Variants in APOD observed in about 807,000 individuals in gnomAD.
The protein encoded by APOD is apolipoprotein D, also known as apo-D.
APOD carries 22 observed loss-of-function variants against 20.4 expected under a neutral mutation model. The ratio of observed to expected loss-of-function variants is 1.08; its 90% CI spans 0.77 to 1.54. APOD has a LOEUF of 1.54. Among genes scored for constraint, APOD ranks in the 40% most tolerant of loss-of-function variants. The pLI, the probability that APOD is intolerant of heterozygous loss-of-function variation, is 0.00. For missense variants in APOD, 223 were observed against 229.6 expected (o/e 0.97, Z 0.19); for synonymous variants, 97 against 92.4 (o/e 1.05, Z -0.29).
At chr3:195,574,091 G>T in intron 2 of APOD, 120 bp from the exon 3 acceptor site, 1 of 1,367,448 alleles carries the variant, frequency 7.3e-7, no homozygotes. Flanking sequence ...GGGCCTCATT[G>T]TTCCCAGTGG....
chr3:195,581,922 C>T (rs998821839), intron 1 of APOD, among the ~76,000 whole-genome samples: 1 of 152,106 alleles, frequency 6.6e-6, no homozygotes, highest in African/African-American at 2.4e-5. Context: ...AGCCTGTAAT[C>T]CCATGGGAGG....
At chr3:195,572,717 A>C (rs777514802) in intron 3 of APOD, among the ~76,000 whole-genome samples, 2 of 152,192 alleles carry the variant, frequency 1.3e-5, no homozygotes, top group African/African-American at 4.8e-5. Flanking sequence ...ATGTGTTAGA[A>C]AGTCAGTAGG....
At position 195,574,033 on chromosome 3, in the gene APOD, C is replaced by T. The variant is rs1720210954; in HGVS notation, c.124-62G>A. The T allele has an allele frequency of 3.8e-6, 6 of 1,593,902 alleles. No homozygotes were observed. The South Asian group carries it at 6.8e-5, about 18-fold the overall frequency. The stretch of plus-strand genomic sequence containing the variant: ...CTCTGGGGACCTGCAACTTCTTCCC[C>T]ATTGTCGTGCAGACGCAGAGCCCTG... On this transcript the variant is annotated intron_variant, in intron 2 of 4. Coordinates refer to ENST00000343267, the MANE Select transcript of APOD (RefSeq NM_001647.4).
intron 4 of APOD, chr3:195,570,983 G>T (rs1720148798): frequency 2.3e-6 from 1 of 441,380 alleles, no homozygotes; most frequent in Non-Finnish European, 4.2e-6. Context: ...CCCACACCCG[G>T]TGTGCACCTA....
At position 195,578,207 on chromosome 3, in the gene APOD, G is replaced by A. The variant is rs34235807; in HGVS notation, c.123+1132C>T. 4.6e-4 allele frequency among the ~76,000 whole-genome samples: 70 copies of A among 152,056 alleles called. 1 individual carries two copies. The highest frequency in any genetic ancestry group is 4.1e-3 in the Admixed American group (62 of 15,278). ...AAAGTATAACTCAGATTCCTTGGAT[G>A]TTTTCTTTAAAGCCTCTCTGTGGTC... On this transcript the variant is annotated intron_variant, in intron 2 of 4. Transcript: ENST00000343267.
rs530261211 is a variant in APOD, at chr3:195,575,349, C to T, written c.124-1378G>A. Among the ~76,000 whole-genome samples the T allele has an allele frequency of 3.3e-5, 5 of 152,306 alleles. No homozygotes were observed. The South Asian group carries it at 6.2e-4, about 19-fold the overall frequency. On this transcript the variant is annotated intron_variant, in intron 2 of 4. Transcript: ENST00000343267. Reference sequence around the variant, plus strand: ...CTGGCCATCTCAAGGCTCATAACTTCGATCACATTTGCAAAAGCCCTTTTC... The same window carrying T: ...CTGGCCATCTCAAGGCTCATAACTTTGATCACATTTGCAAAAGCCCTTTTC...
intron 1 of APOD, among the ~76,000 whole-genome samples, chr3:195,580,642 G>A (rs141363947): frequency 0.014 from 2,121 of 152,174 alleles, 20 homozygotes; most frequent in Non-Finnish European, 0.023. Flanking sequence ...TGACCTCAGG[G>A]GATCCACCCG....
intron 2 of APOD, among the ~76,000 whole-genome samples, chr3:195,574,281 C>T (rs1560045581): frequency 6.6e-6 from 1 of 152,204 alleles, no homozygotes; most frequent in Non-Finnish European, 1.5e-5. Context: ...AAACAGTGCA[C>T]AATTCTACAA....
chr3:195,578,408 G>T (rs909629701), intron 2 of APOD, among the ~76,000 whole-genome samples: 2 of 152,114 alleles, frequency 1.3e-5, no homozygotes, highest in Non-Finnish European at 2.9e-5. Flanking sequence ...CTTGAGGTGC[G>T]AGTGTATGAT....
At chr3:195,573,827 C>T (rs772910463) in intron 3 of APOD, 23 bp downstream of exon 3, 3 of 1,612,102 alleles carry the variant, frequency 1.9e-6, no homozygotes, top group African/African-American at 2.7e-5. Flanking sequence ...CAGGCCTGGC[C>T]CCGGACGCCC....
intron 2 of APOD, among the ~76,000 whole-genome samples, chr3:195,576,183 C>G (rs1177062124): frequency 6.6e-6 from 1 of 152,188 alleles, no homozygotes; most frequent in Non-Finnish European, 1.5e-5. Flanking sequence ...TCGGAAGAAG[C>G]TCCATTTTCT....
intron 3 of APOD, among the ~76,000 whole-genome samples, chr3:195,573,512 G>T (rs774353308): frequency 6.6e-6 from 1 of 152,218 alleles, no homozygotes; most frequent in Non-Finnish European, 1.5e-5. Context: ...TTTGAACAAA[G>T]CTGGATGCTT....
At chr3:195,579,643 G>A (rs370166329) in intron 1 of APOD, 148 bp from the exon 2 acceptor site, 1 of 847,692 alleles carries the variant, frequency 1.2e-6, no homozygotes. Flanking sequence ...TCCTGCAGGG[G>A]AACACCTGCC....
Position 195,571,412 on chromosome 3 carries a change from A to C in APOD, c.246-47T>G, listed in dbSNP as rs1720157585. On this transcript the variant is annotated intron_variant, in intron 3 of 4. Transcript: ENST00000343267. ...AAAAATACAAAAAACGAAAAGAGAA[A>C]AGAAAAACAACTCATTGAAAGCCAA... 5 of 1,548,816 alleles carry C rather than the reference A, an allele frequency of 3.2e-6. No individual in the cohort carries two copies. The East Asian group carries it at 1.1e-4, about 35-fold the overall frequency.
At chr3:195,582,391 A>G (rs994260867) in intron 1 of APOD, among the ~76,000 whole-genome samples, 2 of 152,246 alleles carry the variant, frequency 1.3e-5, no homozygotes, top group African/African-American at 4.8e-5. Context: ...TCTGATATCA[A>G]TAGGAAGATT....
intron 2 of APOD, chr3:195,577,062 C>A: frequency 7.1e-6 from 2 of 280,222 alleles, no homozygotes; most frequent in Admixed American, 5.1e-5. Context: ...TGGCGTGTAC[C>A]TGTAGTCCCA....
intron 4 of APOD, among the ~76,000 whole-genome samples, chr3:195,569,786 GTTTTTTTTTTTTT>G (rs543541862): frequency 0.022 from 1,168 of 54,000 alleles, 9 homozygotes; most frequent in Middle Eastern, 0.042. Flanking sequence ...CTTCTTCTTC[GTTTTTTTTTTTTT>G]TTTTTTTTTT....
At chr3:195,572,830 G>T (rs1328060136) in intron 3 of APOD, among the ~76,000 whole-genome samples, 1 of 152,030 alleles carries the variant, frequency 6.6e-6, no homozygotes, top group Non-Finnish European at 1.5e-5. Context: ...GGCCAACACA[G>T]TGAAACCCCG....
At chr3:195,573,777 C>A in intron 3 of APOD, 73 bp downstream of exon 3, 1 of 1,566,134 alleles carries the variant, frequency 6.4e-7, no homozygotes, top group Non-Finnish European at 8.7e-7. Context: ...CTCCCTGACC[C>A]AGGCTGCCGG....
Sources: allele counts gnomAD v4.1 joint callset (sites outside exome capture counted in the v4.1 genomes callset), GRCh38; gene constraint gnomAD v4.1.1; transcripts MANE v1.5; gene names NCBI Gene and HGNC (gene_info 2026-07-23, HGNC 2026-07-21).